Variants in MYH15 observed in about 807,000 individuals in gnomAD.
The protein encoded by MYH15 is myosin heavy chain 15, also known as myosin-15.
In MYH15, 227 loss-of-function variants were observed where a neutral mutation model predicts 240.5. The observed-to-expected ratio is 0.94, with a 90% CI of 0.85 to 1.05. MYH15 has a LOEUF of 1.05. MYH15 is among the 50% of genes least tolerant of loss of function. The pLI, the probability that MYH15 is intolerant of heterozygous loss-of-function variation, is 0.00. For synonymous variants in MYH15, 785 were observed against 796.7 expected (o/e 0.99, Z 0.25); for missense variants, 2,217 against 2,247.5 (o/e 0.99, Z 0.27).
chr3:108,422,547 A>G lies in MYH15; in HGVS notation c.3703-1333T>C, dbSNP rs145035523. ...CATCGTGGGTGATGATGATGATGAC[A>G]CTATTAATGATAATAGCAGCAGCAG... On this transcript the variant is annotated intron_variant, in intron 27 of 40. Coordinates refer to ENST00000693548, the MANE Select transcript of MYH15 (RefSeq NM_014981.3). 2.2e-4 allele frequency among the ~76,000 whole-genome samples: 34 copies of G among 152,294 alleles called. No homozygotes were observed. In the East Asian group the frequency reaches 6.6e-3, roughly 29 times the overall value.
At chr3:108,440,043 C>T (rs927470001) in intron 23 of MYH15, 130 bp from the exon 24 acceptor site, 2 of 704,984 alleles carry the variant, frequency 2.8e-6, no homozygotes, top group Non-Finnish European at 4.2e-6. Flanking sequence ...CTGTATTTAG[C>T]CAAATTCCTG....
At chr3:108,383,539 T>A in intron 40 of MYH15, 56 bp downstream of exon 40, 1 of 1,569,422 alleles carries the variant, frequency 6.4e-7, no homozygotes, top group Non-Finnish European at 8.7e-7. Context: ...TGCAATGACA[T>A]CAGCCCTAAA....
chr3:108,546,206 T>C, the MYH15 span, among the ~76,000 whole-genome samples: 12 of 152,304 alleles, frequency 7.9e-5, 1 homozygote, highest in East Asian at 2.3e-3. Flanking sequence ...GAGTAGTTGA[T>C]AGTAGCCTTT....
chr3:108,447,365 A>G (rs917298272), intron 21 of MYH15, among the ~76,000 whole-genome samples: 1 of 152,184 alleles, frequency 6.6e-6, no homozygotes, highest in African/African-American at 2.4e-5. Context: ...TAGATTCATT[A>G]AGCCCAAAGA....
chr3:108,494,395 CTTCT>C (rs2107600805), intron 7 of MYH15, among the ~76,000 whole-genome samples: 2 of 151,564 alleles, frequency 1.3e-5, no homozygotes, highest in Middle Eastern at 6.8e-3. Flanking sequence ...TTCTTTCTCT[CTTCT>C]TTCTTTCCTT....
In MYH15 at chr3:108,430,835, A is replaced by C. The variant is rs760914087; in HGVS notation, c.3309T>G (p.Leu1103=). Residue 1103 remains leucine, a synonymous_variant, in exon 26 of 41, where the codon CTT becomes CTG. Transcript: ENST00000693548. ...GGCATATTTGATAATTGATTACCTG[A>C]AGCTCTTTAACCGTCTTCTGAAGCT... ...VAQLQKTVKE[L]QTQIKDLKEK... 1 of 1,609,348 alleles carries C rather than the reference A, an allele frequency of 6.2e-7. No individual in the cohort carries two copies. Among genetic ancestry groups the C allele is most frequent in the Non-Finnish European group, 8.5e-7 (1 of 1,177,526 alleles).
At chr3:108,480,299 C>T (rs1241846775) in intron 11 of MYH15, among the ~76,000 whole-genome samples, 1 of 152,146 alleles carries the variant, frequency 6.6e-6, no homozygotes, top group Non-Finnish European at 1.5e-5. Flanking sequence ...AACAGCACGA[C>T]TTGAAGCCAC....
intron 27 of MYH15, among the ~76,000 whole-genome samples, chr3:108,421,655 A>C (rs1576223302): frequency 6.6e-6 from 1 of 152,316 alleles, no homozygotes; most frequent in African/African-American, 2.4e-5. Context: ...TAGGAGAGCA[A>C]TATGCAAGGG....
chr3:108,479,087 A>C (rs1265031420), intron 11 of MYH15, among the ~76,000 whole-genome samples: 1 of 152,212 alleles, frequency 6.6e-6, no homozygotes, highest in African/African-American at 2.4e-5. Context: ...ATTTGCACTA[A>C]ATGTTTACAG....
At chr3:108,459,509 C>G in intron 17 of MYH15, 60 bp from the exon 18 acceptor site, 1 of 984,038 alleles carries the variant, frequency 1.0e-6, no homozygotes. Context: ...AACACCAATC[C>G]ACCTCACAAA....
chr3:108,496,094 C>T (rs1325482806), intron 6 of MYH15, among the ~76,000 whole-genome samples: 1 of 152,084 alleles, frequency 6.6e-6, no homozygotes, highest in Non-Finnish European at 1.5e-5. Context: ...TGTGGGAGCT[C>T]GTTTATTTGC....
At chr3:108,483,153 T>C (rs2083279623) in intron 11 of MYH15, among the ~76,000 whole-genome samples, 1 of 150,482 alleles carries the variant, frequency 6.6e-6, no homozygotes, top group South Asian at 2.1e-4. Flanking sequence ...TGAGCTGATA[T>C]TGCCCCCCTG....
chr3:108,407,477 T>C (rs73850891), intron 32 of MYH15, among the ~76,000 whole-genome samples: 1,701 of 152,300 alleles, frequency 0.011, 25 homozygotes, highest in African/African-American at 0.039. Flanking sequence ...AGAATCATGA[T>C]AAGATGACTT....
chr3:108,549,158 T>G, the MYH15 span, among the ~76,000 whole-genome samples: 1 of 151,980 alleles, frequency 6.6e-6, no homozygotes, highest in African/African-American at 2.4e-5. Context: ...TAAGTTTTGT[T>G]TTTTCCATTA....
chr3:108,488,695 C>T (rs2083323861), intron 9 of MYH15, among the ~76,000 whole-genome samples: 1 of 152,100 alleles, frequency 6.6e-6, no homozygotes, highest in Non-Finnish European at 1.5e-5. Flanking sequence ...TTCATGGACA[C>T]TTAGGTTTTT....
chr3:108,393,469 G>A (rs2082436045), intron 36 of MYH15, among the ~76,000 whole-genome samples: 1 of 152,164 alleles, frequency 6.6e-6, no homozygotes, highest in Non-Finnish European at 1.5e-5. Flanking sequence ...CTATGAAGGT[G>A]CGCCAAAGCT....
At chr3:108,508,387 G>A (rs1314690313) in intron 1 of MYH15, among the ~76,000 whole-genome samples, 3 of 152,164 alleles carry the variant, frequency 2.0e-5, no homozygotes, top group African/African-American at 7.2e-5. Context: ...ATGCAGAGCT[G>A]GAAATGTAGA....
At chr3:108,534,282 A>G (rs1434734830), upstream of MYH15, among the ~76,000 whole-genome samples, 1 of 152,192 alleles carries the variant, frequency 6.6e-6, no homozygotes, top group East Asian at 1.9e-4. Context: ...CAGCCATATT[A>G]TTTATCTTGA....
rs1309070710 is a variant in MYH15, at chr3:108,505,712, A to C, written c.195+11T>G. 1 of 1,553,548 alleles carries C rather than the reference A, an allele frequency of 6.4e-7. No homozygotes were observed. The highest frequency in any genetic ancestry group is 8.8e-7 in the Non-Finnish European group (1 of 1,131,130). ...ATAGTCATCACTGCAATGAAATAAAAATTTCTTTACCTCTCCATCTGCTGT... is the reference window on the plus strand; with the variant it reads ...ATAGTCATCACTGCAATGAAATAAACATTTCTTTACCTCTCCATCTGCTGT... On this transcript the variant is annotated intron_variant, in intron 2 of 40. Coordinates refer to ENST00000693548, the MANE Select transcript of MYH15 (RefSeq NM_014981.3).
Sources: gnomAD v4.1 joint callset for allele counts (sites outside exome capture counted in the v4.1 genomes callset) on GRCh38, gnomAD v4.1.1 for gene constraint, MANE v1.5 for transcripts, NCBI Gene and HGNC (gene_info 2026-07-23, HGNC 2026-07-21) for gene names.